The following ME3 variants were observed in gnomAD, a reference collection of about 807,000 sequenced individuals.
ME3 encodes the protein malic enzyme 3, also known as NADP-dependent malic enzyme, mitochondrial.
A neutral mutation model predicts 68.9 loss-of-function variants in ME3; 48 were observed. The observed-to-expected ratio is 0.70, with a 90% confidence interval of 0.55 to 0.89. The LOEUF is 0.89. Ranked by LOEUF, ME3 falls within the 40% of genes least tolerant of loss-of-function variation. ME3 has a pLI of 0.00. For missense variants in ME3, 675 were observed against 797.4 expected (o/e 0.85, Z 1.85); for synonymous variants, 320 against 318.8 (o/e 1.00, Z -0.04).
chr11:86,616,143 A>G (rs1281708164), intron 2 of ME3, among the ~76,000 whole-genome samples: 2 of 152,220 alleles, frequency 1.3e-5, no homozygotes, highest in Non-Finnish European at 2.9e-5. Context: ...TTTGGTAAAT[A>G]TCTTTTTAAA....
intron 2 of ME3, among the ~76,000 whole-genome samples, chr11:86,632,395 G>T (rs1301107222): frequency 6.6e-6 from 1 of 152,162 alleles, no homozygotes; most frequent in East Asian, 1.9e-4. Context: ...AGGTATCTTG[G>T]ACTCGCTTCC....
chr11:86,538,381 T>C (rs1841066), intron 4 of ME3, among the ~76,000 whole-genome samples: 58,458 of 151,930 alleles, frequency 0.38, 11,378 homozygotes, highest in African/African-American at 0.44. Flanking sequence ...GACTGTTGTA[T>C]GATTCAAAGA....
At chr11:86,446,204 T>C in intron 13 of ME3, 110 bp downstream of exon 13, 1 of 1,294,880 alleles carries the variant, frequency 7.7e-7, no homozygotes, top group Non-Finnish European at 1.1e-6. Flanking sequence ...GGGAATCCAC[T>C]GGCAATGTTG....
At chr11:86,478,863 A>G (rs1951232204) in intron 7 of ME3, among the ~76,000 whole-genome samples, 1 of 152,094 alleles carries the variant, frequency 6.6e-6, no homozygotes, top group African/African-American at 2.4e-5. Flanking sequence ...ACTGCATTAG[A>G]TGACTGTAGC....
intron 2 of ME3, among the ~76,000 whole-genome samples, chr11:86,655,840 A>T (rs1945829126): frequency 6.6e-6 from 1 of 152,080 alleles, no homozygotes; most frequent in African/African-American, 2.4e-5. Context: ...AATTTTCGCA[A>T]CCTACTCATC....
chr11:86,464,535 T>G (rs979422627), intron 8 of ME3, among the ~76,000 whole-genome samples: 9 of 152,196 alleles, frequency 5.9e-5, no homozygotes, highest in Non-Finnish European at 1.0e-4. Flanking sequence ...CAACAAACAC[T>G]TCAGTCAAAA....
intron 8 of ME3, among the ~76,000 whole-genome samples, chr11:86,455,022 A>C (rs1300405188): frequency 3.9e-5 from 6 of 152,256 alleles, no homozygotes; most frequent in Non-Finnish European, 1.5e-5. Context: ...GACTCTATGC[A>C]GGATCATACT....
chr11:86,470,680 C>G (rs1184325094), intron 7 of ME3, among the ~76,000 whole-genome samples: 1 of 152,214 alleles, frequency 6.6e-6, no homozygotes, highest in African/African-American at 2.4e-5. Flanking sequence ...GTGGAACACA[C>G]TTTGGGAGAC....
intron 2 of ME3, among the ~76,000 whole-genome samples, chr11:86,600,437 C>A (rs935809316): frequency 6.6e-6 from 1 of 152,078 alleles, no homozygotes; most frequent in African/African-American, 2.4e-5. Context: ...TACAGGAGCA[C>A]CCAGATTCAT....
intron 9 of ME3, 82 bp downstream of exon 9, chr11:86,450,219 G>A: frequency 3.0e-6 from 4 of 1,346,788 alleles, no homozygotes; most frequent in Non-Finnish European, 4.2e-6. Flanking sequence ...CAGAACCCCA[G>A]AATGCCTCCC....
intron 2 of ME3, among the ~76,000 whole-genome samples, chr11:86,649,468 A>G (rs1033141085): frequency 6.6e-6 from 1 of 152,234 alleles, no homozygotes; most frequent in Non-Finnish European, 1.5e-5. Context: ...GGCCAGGGCA[A>G]TCTGGCATGA....
chr11:86,664,890 C>A (rs1262164059), intron 2 of ME3, among the ~76,000 whole-genome samples: 2 of 152,212 alleles, frequency 1.3e-5, no homozygotes, highest in Admixed American at 6.5e-5. Flanking sequence ...CAGTTAATAT[C>A]TCTGTGCTGT....
chr11:86,513,280 C>T (rs1279993563), intron 4 of ME3, among the ~76,000 whole-genome samples: 1 of 152,140 alleles, frequency 6.6e-6, no homozygotes, highest in Non-Finnish European at 1.5e-5. Context: ...TAATTTCATG[C>T]TCTGCTCTGC....
chr11:86,478,881 A>G (rs565211269), intron 7 of ME3, among the ~76,000 whole-genome samples: 3 of 152,208 alleles, frequency 2.0e-5, no homozygotes, highest in African/African-American at 7.2e-5. Flanking sequence ...AGCCCCTTCC[A>G]CTTTTGAGCT....
intron 4 of ME3, among the ~76,000 whole-genome samples, chr11:86,536,055 A>T (rs115683888): frequency 6.6e-6 from 1 of 152,292 alleles, no homozygotes; most frequent in African/African-American, 2.4e-5. Flanking sequence ...CCCTAGATTC[A>T]GCTATATCTC....
intron 2 of ME3, among the ~76,000 whole-genome samples, chr11:86,610,065 G>C (rs1026680080): frequency 6.6e-6 from 1 of 152,126 alleles, no homozygotes; most frequent in South Asian, 2.1e-4. Context: ...TTCATATAAT[G>C]TCTAACATGT....
chr11:86,543,148 G>T (rs1956149885), intron 4 of ME3, among the ~76,000 whole-genome samples: 1 of 152,090 alleles, frequency 6.6e-6, no homozygotes, highest in Non-Finnish European at 1.5e-5. Flanking sequence ...AGAGCTCCTG[G>T]AGGAAGCATT....
At chr11:86,663,650 G>T (rs1170422138) in intron 2 of ME3, among the ~76,000 whole-genome samples, 1 of 152,144 alleles carries the variant, frequency 6.6e-6, no homozygotes. Context: ...AAATCAAAAG[G>T]CCTTTTTTCC....
intron 6 of ME3, among the ~76,000 whole-genome samples, chr11:86,493,117 A>G (rs982229615): frequency 1.3e-5 from 2 of 152,218 alleles, no homozygotes; most frequent in African/African-American, 4.8e-5. Flanking sequence ...TGAATGCTGA[A>G]TAATGATAAT....
Sources: gnomAD v4.1 joint callset for allele counts (sites outside exome capture counted in the v4.1 genomes callset) on GRCh38, gnomAD v4.1.1 for gene constraint, MANE v1.5 for transcripts, NCBI Gene and HGNC (gene_info 2026-07-23, HGNC 2026-07-21) for gene names.